The following ZNF536 variants were observed in gnomAD, a reference collection of about 807,000 sequenced individuals.
ZNF536 encodes zinc finger protein 536.
In ZNF536, 13 loss-of-function variants were observed where a neutral mutation model predicts 84.5. The observed-to-expected ratio is 0.15, with a 90% CI of 0.10 to 0.24. ZNF536 has a LOEUF of 0.24. Ranked by LOEUF, ZNF536 falls within the 10% of genes least tolerant of loss-of-function variation. ZNF536 has a pLI of 1.00. For missense variants in ZNF536, 1,536 were observed against 1,747.5 expected, an observed-to-expected ratio of 0.88 and a Z score of 2.16; for synonymous variants, 811 against 742.5, an observed-to-expected ratio of 1.09 and a Z score of -1.50.
rs1394192088 is a variant in ZNF536 at position 30,445,551 on chromosome 19, G to A, written c.1989G>A (p.Gly663=). Residue 663 remains glycine (G), a synonymous_variant, in exon 2 of 5, where the codon GGG becomes GGA. Transcript: ENST00000355537. This position sits in a 1 kb window ranked among gnomAD's most constrained non-coding sequence, Gnocchi z 4.5. ...GGGACCGCAAGGGCGAGGAGGATGG[G>A]CTGCACGTGGGCCTGGATGAGCGGC... is the stretch of plus-strand genomic sequence containing the variant. ...HKRDRKGEED[G]LHVGLDERRG... 5.0e-6 allele frequency: 8 copies of A among 1,613,602 alleles called. No individual in the cohort carries two copies. Among genetic ancestry groups the A allele is most frequent in the South Asian group, 4.4e-5 (4 of 91,034 alleles).
intron 2 of ZNF536, among the ~76,000 whole-genome samples, chr19:30,523,356 C>T (rs1384259624): frequency 6.6e-6 from 1 of 152,296 alleles, no homozygotes; most frequent in South Asian, 2.1e-4. Flanking sequence ...ACTCTACAAT[C>T]CTTTGAGACA....
At chr19:30,336,843 G>A (rs1311532454) in intron 2 of ZNF536, among the ~76,000 whole-genome samples, 2 of 152,204 alleles carry the variant, frequency 1.3e-5, no homozygotes, top group African/African-American at 4.8e-5. Context: ...TTTGAGGATG[G>A]CAGCTGATGA....
chr19:30,363,489 A>G (rs2146914693), intron 3 of ZNF536, among the ~76,000 whole-genome samples: 1 of 152,174 alleles, frequency 6.6e-6, no homozygotes, highest in South Asian at 2.1e-4. Flanking sequence ...AGAAGCATAC[A>G]CAGAGCCTGG....
intron 1 of ZNF536, among the ~76,000 whole-genome samples, chr19:30,698,623 C>T (rs2051763606): frequency 6.6e-6 from 1 of 152,138 alleles, no homozygotes; most frequent in African/African-American, 2.4e-5. Context: ...GTTGCAATTT[C>T]TCATGTGTAG....
intron 1 of ZNF536, among the ~76,000 whole-genome samples, chr19:30,266,360 C>T (rs2025513024): frequency 6.6e-6 from 1 of 152,168 alleles, no homozygotes; most frequent in South Asian, 2.1e-4. Context: ...GGTAACTTCT[C>T]ATCTCCATCC....
Position 30,314,744 on chromosome 19 carries a change from T to C in ZNF536, c.-120+30603T>C, listed in dbSNP as rs1446725538. On this transcript the variant is annotated intron_variant, in intron 2 of 5. Coordinates refer to the ZNF536 transcript ENST00000585628. The stretch of plus-strand genomic sequence containing the variant: ...TTGGGTAGGTGGTCCAGGGCTCTTA[T>C]TGGTCTGATAGGAGGAATGTGCCTG... Among the ~76,000 whole-genome samples the C allele has an allele frequency of 5.3e-5, 8 of 152,200 alleles. No individual in the cohort carries two copies. The East Asian group carries it at 7.7e-4, about 15-fold the overall frequency.
intron 3 of ZNF536, among the ~76,000 whole-genome samples, chr19:30,361,457 C>G (rs1195766096): frequency 6.6e-6 from 1 of 150,638 alleles, no homozygotes; most frequent in Non-Finnish European, 1.5e-5. Flanking sequence ...CTTTATGGAG[C>G]TAATTATGGT....
chr19:30,548,570 C>T lies in ZNF536; in HGVS notation c.2951C>T (p.Ala984Val), dbSNP rs1233469169. ...CTGGACTTGTCTGTGCGGCCAGATG[C>T]CGCCTCCCTCCCGGGCTCCTCGGTA... ...EPLDLSVRPDAASLPGSSVTV... is the reference protein window; with the variant it reads ...EPLDLSVRPDVASLPGSSVTV... Residue 984 changes from alanine (A) to valine (V), a missense_variant, in exon 4 of 5, where the codon GCC becomes GTC. This residue lies in a region of ZNF536 where 624 missense variants were observed against 603.1 expected (regional missense o/e 1.03). Coordinates refer to ENST00000355537, the MANE Select transcript of ZNF536 (RefSeq NM_014717.3). 6.2e-7 allele frequency: 1 copy of T among 1,614,148 alleles called. No homozygotes were observed.
intron 2 of ZNF536, among the ~76,000 whole-genome samples, chr19:30,517,997 G>C (rs370027876): frequency 7.2e-5 from 11 of 152,076 alleles, no homozygotes; most frequent in Admixed American, 2.6e-4. Flanking sequence ...TGCCAGGTCC[G>C]CAGAGTTATC....
Position 30,549,210 on chromosome 19 carries a change from C to T in ZNF536, c.3591C>T (p.Leu1197=), listed in dbSNP as rs573440362. 1.8e-5 allele frequency: 29 copies of T among 1,614,090 alleles called. 1 individual carries two copies. The South Asian group carries it at 2.9e-4, about 16-fold the overall frequency. Residue 1197 remains leucine, a synonymous_variant, in exon 4 of 5, where the codon CTC becomes CTT. Transcript: ENST00000355537. ...TGATGACCAAGCCACTGTCTGCCCTCAGCAAAGACAGCAGCAGCGATGGCG... is the reference window on the plus strand; with the variant it reads ...TGATGACCAAGCCACTGTCTGCCCTTAGCAAAGACAGCAGCAGCGATGGCG... ...PEMMTKPLSA[L]SKDSSSDGGD...
At chr19:30,681,061 C>A (rs1195163399) in intron 1 of ZNF536, among the ~76,000 whole-genome samples, 2 of 152,208 alleles carry the variant, frequency 1.3e-5, no homozygotes, top group Non-Finnish European at 2.9e-5. Flanking sequence ...GTGTACCCTG[C>A]ACCCCGCCCC....
In ZNF536 at chr19:30,594,070, A is replaced by C. The variant is rs148758627; in HGVS notation, c.169+44556A>C. Among the ~76,000 whole-genome samples the C allele has an allele frequency of 9.5e-4, 145 of 152,322 alleles. 1 individual carries two copies. The highest frequency in any genetic ancestry group is 3.5e-3 in the African/African-American group (145 of 41,580). Reference sequence around the variant, plus strand: ...ATGGGGCTACCAAGAGCTGCACTGCATATATAATATCAAACACCAAAGTTC... The same window carrying C: ...ATGGGGCTACCAAGAGCTGCACTGCCTATATAATATCAAACACCAAAGTTC... On this transcript the variant is annotated intron_variant, in intron 1 of 1. Transcript: ENST00000592773.
Position 30,565,910 on chromosome 19 carries a change from G to A in ZNF536, c.169+16396G>A, listed in dbSNP as rs10420627. 5.0e-3 allele frequency among the ~76,000 whole-genome samples: 754 copies of A among 152,222 alleles called. 10 individuals carry two copies. Among genetic ancestry groups the A allele is most frequent in the African/African-American group, 0.018 (736 of 41,532 alleles). ...CCAATGCCAAGCACCGAACCTGATA[G>A]CCCATCTCACAGATGACAGCAATCA... is the stretch of plus-strand genomic sequence containing the variant. On this transcript the variant is annotated intron_variant, in intron 1 of 1. Transcript: ENST00000592773.
Position 30,542,328 on chromosome 19 carries a change from G to A in ZNF536, c.2324-5615G>A, listed in dbSNP as rs113465955. ...TAAAAGATATGAGCATGTAAAAATA[G>A]GTACCGTGAACTAATTAAACCACCT... is the stretch of plus-strand genomic sequence containing the variant. On this transcript the variant is annotated intron_variant, in intron 3 of 4. Coordinates refer to ENST00000355537, the MANE Select transcript of ZNF536 (RefSeq NM_014717.3). 7.1e-3 allele frequency among the ~76,000 whole-genome samples: 1,080 copies of A among 152,228 alleles called. 13 individuals are homozygous for A. The highest frequency in any genetic ancestry group is 0.024 in the African/African-American group (1,013 of 41,528).
chr19:30,409,679 GT>G (rs1305513209), intron 1 of ZNF536, among the ~76,000 whole-genome samples: 1 of 152,106 alleles, frequency 6.6e-6, no homozygotes, highest in Non-Finnish European at 1.5e-5. Flanking sequence ...GTCAAATTAC[GT>G]CCCCCGACCA....
intron 2 of ZNF536, among the ~76,000 whole-genome samples, chr19:30,509,928 C>T (rs370534939): frequency 2.6e-5 from 4 of 152,336 alleles, no homozygotes; most frequent in South Asian, 4.1e-4. Context: ...GTGGGTAGTG[C>T]ATGGCAGGAG....
chr19:30,388,622 G>A (rs2049447007), intron 1 of ZNF536, among the ~76,000 whole-genome samples: 1 of 152,224 alleles, frequency 6.6e-6, no homozygotes, highest in Non-Finnish European at 1.5e-5. Context: ...ATTTTCCAGG[G>A]CAAGCCAGTG....
intron 1 of ZNF536, among the ~76,000 whole-genome samples, chr19:30,267,856 TTGAG>T (rs1398078162): frequency 6.6e-6 from 1 of 151,834 alleles, no homozygotes; most frequent in Non-Finnish European, 1.5e-5. Flanking sequence ...CTATCAGCAA[TTGAG>T]TGTGTATGTG....
intron 1 of ZNF536, among the ~76,000 whole-genome samples, chr19:30,678,916 A>G (rs59451644): frequency 0.097 from 14,767 of 152,144 alleles, 1,414 homozygotes; most frequent in African/African-American, 0.24. Context: ...AGCCTGGGTG[A>G]CAGAGTGAGA....
Sources: allele counts gnomAD v4.1 joint callset (sites outside exome capture counted in the v4.1 genomes callset), GRCh38; gene constraint gnomAD v4.1.1; regional missense constraint gnomAD v4.1.1; non-coding constraint Gnocchi (gnomAD v3.1); transcripts MANE v1.5; gene names NCBI Gene and HGNC (gene_info 2026-07-23, HGNC 2026-07-21).